The following TM4SF19 variants were observed in gnomAD, a reference collection of about 807,000 sequenced individuals.
TM4SF19 encodes the protein transmembrane 4 L6 family member 19.
Under a neutral mutation model 21.8 loss-of-function variants are expected in TM4SF19, and 17 were observed. The observed-to-expected ratio is 0.78, with a 90% CI of 0.53 to 1.17. The LOEUF (loss-of-function observed/expected upper bound fraction) is 1.17, where lower values mean the gene tolerates loss of function less well. TM4SF19 is among the 50% of genes most tolerant of loss of function. The probability of loss-of-function intolerance (pLI) is 0.00; values close to 1 mark genes in which losing one functional copy is unlikely to be tolerated. For missense variants in TM4SF19, 216 were observed against 252.1 expected, an observed-to-expected ratio of 0.86 and a Z score of 0.97; for synonymous variants, 107 against 106.7, an observed-to-expected ratio of 1.00 and a Z score of -0.02.
chr3:196,328,819 T>TA (rs748446581), intron 1 of TM4SF19, among the ~76,000 whole-genome samples: 1 of 152,216 alleles, frequency 6.6e-6, no homozygotes, highest in Non-Finnish European at 1.5e-5. Flanking sequence ...CTGGAGAACT[T>TA]ACGCCATGTG....
rs1727313783 is a variant in TM4SF19, at chr3:196,326,933, A to AC, written c.279+21_279+22insG. On this transcript the variant is annotated intron_variant, in intron 3 of 4. Transcript: ENST00000273695. ...GAGGTGGAGACATTCTGGGTGTTAGAAGAGTGGAATCTGGTGCTTACGCTT... is the reference window on the plus strand; with the variant it reads ...GAGGTGGAGACATTCTGGGTGTTAGACAGAGTGGAATCTGGTGCTTACGCTT... 1.9e-6 allele frequency: 3 copies of AC among 1,594,910 alleles called. No individual in the cohort carries two copies. The African/African-American group carries it at 4.0e-5, about 21-fold the overall frequency.
intron 1 of TM4SF19, among the ~76,000 whole-genome samples, chr3:196,332,009 G>A (rs1276464933): frequency 2.6e-5 from 4 of 152,010 alleles, no homozygotes; most frequent in African/African-American, 4.8e-5. Flanking sequence ...GGTGGCTCAC[G>A]CCTGTAACCC....
At chr3:196,326,548 G>T in intron 3 of TM4SF19, among the ~76,000 whole-genome samples, 1 of 152,100 alleles carries the variant, frequency 6.6e-6, no homozygotes, top group East Asian at 1.9e-4. Flanking sequence ...GTGATTAGAT[G>T]ATCTCTGGAA....
intron 1 of TM4SF19, among the ~76,000 whole-genome samples, chr3:196,337,556 A>G (rs1372158703): frequency 1.3e-5 from 2 of 152,160 alleles, no homozygotes; most frequent in African/African-American, 4.8e-5. Flanking sequence ...GGTGGAGTTT[A>G]GCTGGTGTGT....
intron 1 of TM4SF19, among the ~76,000 whole-genome samples, chr3:196,336,006 T>C (rs1021492400): frequency 1.3e-5 from 2 of 152,108 alleles, no homozygotes; most frequent in Admixed American, 6.5e-5. Flanking sequence ...ATGCATTTAG[T>C]GCCTTCAAAT....
At chr3:196,335,756 C>T (rs1041822347) in intron 1 of TM4SF19, among the ~76,000 whole-genome samples, 5 of 152,044 alleles carry the variant, frequency 3.3e-5, no homozygotes, top group Non-Finnish European at 4.4e-5. Context: ...GCCCACACTG[C>T]TGCGATGTCC....
rs184638196 is a variant in TM4SF19, at chr3:196,327,069, G to A, written c.202-37C>T. The A allele has an allele frequency of 7.2e-5, 111 of 1,552,122 alleles. No individual in the cohort carries two copies. The Admixed American group carries it at 8.6e-4, about 12-fold the overall frequency. On this transcript the variant is annotated intron_variant, in intron 2 of 4. Transcript: ENST00000273695. ...AGAAGAATGTTGAGATGGGGAAATC[G>A]ACTTTGCCGGCTGTTTCTAGGTGCT...
rs546473106 is a variant in TM4SF19 at position 196,325,843 on chromosome 3, G to A, written c.279+1112C>T. ...CTCTGGGGAGGGAGCCCAGCAATCC[G>A]TGTTCCGGCAAAAGCCCTCCAGGTG... On this transcript the variant is annotated intron_variant, in intron 3 of 4. Transcript: ENST00000273695. The surrounding 1 kb of genome is among the most constrained non-coding windows in gnomAD (Gnocchi z 4.3). Among the ~76,000 whole-genome samples, 28 of 152,302 alleles carry A rather than the reference G, an allele frequency of 1.8e-4. No homozygotes were observed. Among genetic ancestry groups the A allele is most frequent in the South Asian group, 1.0e-3 (5 of 4,828 alleles).
At chr3:196,334,540 G>A (rs1727645116) in intron 1 of TM4SF19, among the ~76,000 whole-genome samples, 2 of 151,646 alleles carry the variant, frequency 1.3e-5, no homozygotes, top group African/African-American at 4.9e-5. Context: ...TGCAACCTCC[G>A]CCTCCCCGGT....
chr3:196,334,539 C>T lies in TM4SF19; in HGVS notation c.-2+3725G>A, dbSNP rs147954272. ...CGCGATCTCAGCTCACTGCAACCTC[C>T]GCCTCCCCGGTTCAAGCGATTGTTC... On this transcript the variant is annotated intron_variant, in intron 1 of 4. Coordinates refer to ENST00000273695, the MANE Select transcript of TM4SF19 (RefSeq NM_138461.4). 6.1e-3 allele frequency among the ~76,000 whole-genome samples: 924 copies of T among 151,998 alleles called. 4 individuals are homozygous for T. The highest frequency in any genetic ancestry group is 0.011 in the Non-Finnish European group (754 of 67,954).
intron 1 of TM4SF19, among the ~76,000 whole-genome samples, chr3:196,331,489 G>A (rs1727505325): frequency 6.7e-6 from 1 of 150,306 alleles, no homozygotes; most frequent in African/African-American, 2.4e-5. Context: ...ATTTTTTATT[G>A]AAAAAAATTT....
chr3:196,324,237 T>C lies in TM4SF19; in HGVS notation c.449+34A>G, dbSNP rs1333188326. 3.7e-6 allele frequency: 6 copies of C among 1,607,398 alleles called. No individual in the cohort carries two copies. The Admixed American group carries it at 1.0e-4, about 27-fold the overall frequency. On this transcript the variant is annotated intron_variant, in intron 4 of 4. Coordinates refer to ENST00000273695, the MANE Select transcript of TM4SF19 (RefSeq NM_138461.4). ...TTTTGTCTCTCTCTCTCTCTCTGTC[T>C]GAAAAGACCAAGCCCAAGCCTCCAC... is the stretch of plus-strand genomic sequence containing the variant.
chr3:196,334,651 A>G (rs1213152070), intron 1 of TM4SF19, among the ~76,000 whole-genome samples: 1 of 151,776 alleles, frequency 6.6e-6, no homozygotes, highest in Non-Finnish European at 1.5e-5. Context: ...ACAGGGTTTC[A>G]CCATGTTGGC....
intron 1 of TM4SF19, among the ~76,000 whole-genome samples, chr3:196,331,931 G>A (rs1016861483): frequency 8.6e-5 from 13 of 151,922 alleles, no homozygotes; most frequent in African/African-American, 2.9e-4. Flanking sequence ...GCCACTTGAG[G>A]CTCTTGACAC....
intron 1 of TM4SF19, among the ~76,000 whole-genome samples, chr3:196,333,501 A>G (rs35270876): frequency 0.12 from 18,714 of 152,200 alleles, 1,317 homozygotes; most frequent in South Asian, 0.18. Context: ...ACTGCAGTTG[A>G]CCACAGATAG....
At chr3:196,327,978 A>C (rs1294257060) in intron 1 of TM4SF19, among the ~76,000 whole-genome samples, 2 of 152,206 alleles carry the variant, frequency 1.3e-5, no homozygotes, top group African/African-American at 4.8e-5. Context: ...AATAAAAGGA[A>C]GCAAAAGCCA....
At chr3:196,338,048 A>G (rs1208622317) in intron 1 of TM4SF19, among the ~76,000 whole-genome samples, 1 of 152,208 alleles carries the variant, frequency 6.6e-6, no homozygotes, top group East Asian at 1.9e-4. Flanking sequence ...CCCATGCCCA[A>G]ACTTGATGGA....
chr3:196,325,137 T>G lies in TM4SF19; in HGVS notation c.280-697A>C, dbSNP rs1278539548. ...AACTGGGTTTCCTTCCTTGACAGGT[T>G]TCTAGCCTGCTTCTACATTGGCTTC... On this transcript the variant is annotated intron_variant, in intron 3 of 4. Coordinates refer to ENST00000273695, the MANE Select transcript of TM4SF19 (RefSeq NM_138461.4). The surrounding 1 kb of genome is among the most constrained non-coding windows in gnomAD (Gnocchi z 4.3). The G allele has an allele frequency of 6.6e-6, 1 of 152,286 alleles. No individual in the cohort carries two copies. Among genetic ancestry groups the G allele is most frequent in the African/African-American group, 2.4e-5 (1 of 41,458 alleles). 9.4% of individuals were successfully genotyped at this position (152,286 alleles called of 1,614,324 possible). A position where few individuals can be genotyped will look rare whatever the true frequency, so the allele number is the denominator to read the frequency against.
In TM4SF19 at chr3:196,338,034, G is replaced by A. The variant is rs565734757; in HGVS notation, c.-2+230C>T. 3.9e-5 allele frequency among the ~76,000 whole-genome samples: 6 copies of A among 152,326 alleles called. 1 individual carries two copies. Among genetic ancestry groups the A allele is most frequent in the African/African-American group, 1.4e-4 (6 of 41,586 alleles). ...CAAAACGAAGCTTCCCGGAGGAAGG[G>A]CTGCCCATGCCCAAACTTGATGGAC... is the stretch of plus-strand genomic sequence containing the variant. On this transcript the variant is annotated intron_variant, in intron 1 of 4. Transcript: ENST00000273695.
Sources: gnomAD v4.1 joint callset for allele counts (sites outside exome capture counted in the v4.1 genomes callset) on GRCh38, gnomAD v4.1.1 for gene constraint, Gnocchi (gnomAD v3.1) non-coding constraint, MANE v1.5 for transcripts, NCBI Gene and HGNC (gene_info 2026-07-23, HGNC 2026-07-21) for gene names.